SYNE2: variants seen among roughly 807,000 people sequenced by gnomAD.
SYNE2 encodes the protein nesprin-2.
In SYNE2, 431 loss-of-function variants were observed where a neutral mutation model predicts 856.3. The ratio of observed to expected loss-of-function variants is 0.50; its 90% confidence interval spans 0.47 to 0.55. The LOEUF (loss-of-function observed/expected upper bound fraction) is 0.55, where lower values mean the gene tolerates loss of function less well. SYNE2 is among the 20% of genes least tolerant of loss of function. The pLI is 0.00. For missense variants in SYNE2, 8,129 were observed against 8,023.2 expected (o/e 1.01, Z -0.50); for synonymous variants, 2,923 against 2,872.3 (o/e 1.02, Z -0.56).
At chr14:63,876,628 C>T (rs897943790) in intron 1 of SYNE2, among the ~76,000 whole-genome samples, 6 of 151,910 alleles carry the variant, frequency 3.9e-5, no homozygotes, top group Non-Finnish European at 5.9e-5. Flanking sequence ...GCTGGGACTA[C>T]AGGCGCCCAC....
rs565967859 is a variant in SYNE2 at position 63,769,376 on chromosome 14, A to G, written c.-305+7390A>G. 3.3e-5 allele frequency among the ~76,000 whole-genome samples: 5 copies of G among 152,010 alleles called. No individual in the cohort carries two copies. In the South Asian group the frequency reaches 1.0e-3, roughly 32 times the overall value. On this transcript the variant is annotated intron_variant, in intron 1 of 23. Transcript: ENST00000674003. The stretch of plus-strand genomic sequence containing the variant: ...AATTGCTTGAGCTCAGGAGTTCAAG[A>G]CTCACCTGGAGACCAGGCACAGTGG...
chr14:63,798,398 CT>C (rs919267911), intron 1 of SYNE2, among the ~76,000 whole-genome samples: 65 of 126,952 alleles, frequency 5.1e-4, no homozygotes, highest in Admixed American at 5.6e-4. Context: ...TTTTTTTTTT[CT>C]TTTTTTTTTT....
intron 7 of SYNE2, 25 bp from the exon 8 acceptor site, chr14:63,954,694 T>G (rs1028288020): frequency 9.3e-6 from 15 of 1,607,358 alleles, no homozygotes; most frequent in Non-Finnish European, 1.2e-5. Context: ...ATGGTATTTG[T>G]CATGTTTTTG....
rs2097933056 is a variant in SYNE2, at chr14:64,125,323, T to C, written c.13554+113T>C. 79 of 1,444,692 alleles carry C rather than the reference T, an allele frequency of 5.5e-5. 1 individual carries two copies. In the South Asian group the frequency reaches 9.2e-4, roughly 17 times the overall value. 89.5% of individuals were successfully genotyped at this position (1,444,692 alleles called of 1,614,324 possible). On this transcript the variant is annotated intron_variant, in intron 71 of 115. Transcript: ENST00000555002. ...ACTGAACAAGTCATGGAACACATAA[T>C]GGAATGGGTCCTAGGATTGCAAATT...
intron 49 of SYNE2, among the ~76,000 whole-genome samples, chr14:64,056,895 C>G (rs1037818342): frequency 2.0e-5 from 3 of 152,104 alleles, no homozygotes; most frequent in African/African-American, 7.2e-5. Context: ...TGGTCTTGAA[C>G]TCCCTGTTGT....
chr14:64,151,117 A>C (rs963547190), intron 84 of SYNE2, among the ~76,000 whole-genome samples: 1 of 152,126 alleles, frequency 6.6e-6, no homozygotes, highest in African/African-American at 2.4e-5. Context: ...TCTTACTCCC[A>C]AACCTAGCTA....
chr14:63,986,359 T>C, intron 18 of SYNE2, 97 bp from the exon 19 acceptor site: 1 of 1,348,896 alleles, frequency 7.4e-7, no homozygotes, highest in Non-Finnish European at 1.0e-6. Context: ...CCTGGCCTCC[T>C]AAAGAGCTGG....
intron 45 of SYNE2, among the ~76,000 whole-genome samples, chr14:64,032,312 C>A (rs1258019003): frequency 6.6e-6 from 1 of 152,076 alleles, no homozygotes; most frequent in Non-Finnish European, 1.5e-5. Context: ...TGGTGGCTCA[C>A]ATCTGTAATC....
At chr14:63,926,671 G>C (rs1331674279) in intron 2 of SYNE2, among the ~76,000 whole-genome samples, 2 of 152,164 alleles carry the variant, frequency 1.3e-5, no homozygotes, top group African/African-American at 4.8e-5. Context: ...AATCCTCCTA[G>C]TAACCCGATG....
chr14:64,164,766 G>A (rs2098361429), intron 89 of SYNE2, among the ~76,000 whole-genome samples: 1 of 152,174 alleles, frequency 6.6e-6, no homozygotes, highest in Non-Finnish European at 1.5e-5. Context: ...AAAGGCACGA[G>A]TGAAAAATCA....
At chr14:64,159,509 G>A in intron 87 of SYNE2, 67 bp downstream of exon 87, 1 of 1,574,600 alleles carries the variant, frequency 6.4e-7, no homozygotes, top group Non-Finnish European at 8.7e-7. Flanking sequence ...GAATGAGGGG[G>A]CATAGGCATT....
At chr14:63,801,138 TG>T (rs1888112201) in intron 1 of SYNE2, among the ~76,000 whole-genome samples, 1 of 152,154 alleles carries the variant, frequency 6.6e-6, no homozygotes, top group African/African-American at 2.4e-5. Context: ...GTATAACAGA[TG>T]GGAGCACAGT....
At chr14:63,776,590 T>C (rs927697854) in intron 1 of SYNE2, among the ~76,000 whole-genome samples, 3 of 151,096 alleles carry the variant, frequency 2.0e-5, no homozygotes, top group Non-Finnish European at 4.4e-5. Context: ...ATTTCTTTTT[T>C]TCTTTCTTTC....
chr14:64,117,687 A>C (rs1595636895), intron 66 of SYNE2, among the ~76,000 whole-genome samples: 1 of 152,212 alleles, frequency 6.6e-6, no homozygotes, highest in East Asian at 1.9e-4. Flanking sequence ...AACAGAGTTC[A>C]ACTGTGACCC....
intron 1 of SYNE2, among the ~76,000 whole-genome samples, chr14:63,845,743 CTTT>C (rs762078790): frequency 7.4e-6 from 1 of 135,568 alleles, no homozygotes. Context: ...TTTTTCTTTT[CTTT>C]TTTTTTTTTT....
intron 1 of SYNE2, among the ~76,000 whole-genome samples, chr14:63,763,656 C>G (rs996681156): frequency 2.0e-5 from 3 of 152,128 alleles, no homozygotes; most frequent in Middle Eastern, 3.4e-3. Context: ...TCAAGCCCAG[C>G]CTGGGCAACA....
chr14:63,878,174 A>T (rs2094771580), intron 1 of SYNE2, among the ~76,000 whole-genome samples: 1 of 152,124 alleles, frequency 6.6e-6, no homozygotes, highest in Non-Finnish European at 1.5e-5. Context: ...GGCTTGAGCC[A>T]TCACACCCAG....
chr14:63,818,039 A>C (rs528985331), intron 1 of SYNE2, among the ~76,000 whole-genome samples: 13 of 147,214 alleles, frequency 8.8e-5, no homozygotes, highest in African/African-American at 2.5e-4. Flanking sequence ...AAAAAAAAAA[A>C]AAAAAAACAA....
At chr14:63,948,166 T>TACACACACACACAC (rs59063086) in intron 6 of SYNE2, among the ~76,000 whole-genome samples, 19 of 147,360 alleles carry the variant, frequency 1.3e-4, no homozygotes, top group East Asian at 1.2e-3. Context: ...GACACACACA[T>TACACACACACACAC]ACACACACAC....
Sources: gnomAD v4.1 joint callset for allele counts (sites outside exome capture counted in the v4.1 genomes callset) on GRCh38, gnomAD v4.1.1 for gene constraint, MANE v1.5 for transcripts, NCBI Gene and HGNC (gene_info 2026-07-23, HGNC 2026-07-21) for gene names.